Variants in RABGAP1L observed in about 807,000 individuals in gnomAD.
RABGAP1L encodes the protein rab GTPase-activating protein 1-like.
In RABGAP1L, 63 loss-of-function variants were observed where a neutral mutation model predicts 137.7. The observed-to-expected ratio is 0.46, with a 90% CI of 0.37 to 0.56. The LOEUF is 0.56. RABGAP1L is among the 20% of genes least tolerant of loss of function. RABGAP1L has a pLI of 0.00. For synonymous variants in RABGAP1L, 431 were observed against 433.7 expected (o/e 0.99, Z 0.08); for missense variants, 1,095 against 1,244.0 (o/e 0.88, Z 1.80).
At chr1:174,609,588 T>C (rs1361818276) in intron 13 of RABGAP1L, among the ~76,000 whole-genome samples, 2 of 152,246 alleles carry the variant, frequency 1.3e-5, no homozygotes, top group African/African-American at 4.8e-5. Flanking sequence ...AATCCAGAGG[T>C]ACACTGAATG....
At position 174,250,563 on chromosome 1, in the gene RABGAP1L, C is replaced by G. The variant is rs748961187; in HGVS notation, c.806C>G (p.Pro269Arg). The G allele has an allele frequency of 1.1e-5, 17 of 1,613,920 alleles. No individual in the cohort carries two copies. The highest frequency in any genetic ancestry group is 1.4e-5 in the Non-Finnish European group (17 of 1,179,882). ...GTTAAAGACTCAGTTATTCCTACCCCCGACAGTGATGTGTTTACCTTCAGT... is the reference window on the plus strand; with the variant it reads ...GTTAAAGACTCAGTTATTCCTACCCGCGACAGTGATGTGTTTACCTTCAGT... Reference protein sequence around the residue: ...SDVKDSVIPTPDSDVFTFSVS... With the variant: ...SDVKDSVIPTRDSDVFTFSVS... Residue 269 changes from proline (P) to arginine (R), a missense_variant, in exon 6 of 26, where the codon CCC becomes CGC. This residue lies in a region of RABGAP1L where 356 missense variants were observed against 326.3 expected (regional missense o/e 1.09). Transcript: ENST00000681986.
At chr1:174,927,117 T>C (rs1222463839) in intron 19 of RABGAP1L, among the ~76,000 whole-genome samples, 1 of 152,046 alleles carries the variant, frequency 6.6e-6, no homozygotes, top group East Asian at 1.9e-4. Flanking sequence ...AGCATCCTTA[T>C]GTTGTTCCTG....
intron 13 of RABGAP1L, among the ~76,000 whole-genome samples, chr1:174,503,198 A>G (rs1227552933): frequency 3.3e-5 from 5 of 152,076 alleles, no homozygotes; most frequent in Non-Finnish European, 5.9e-5. Flanking sequence ...GAACACAGCT[A>G]CTCCTGTTTA....
rs1303586568 is a variant in RABGAP1L at position 174,761,045 on chromosome 1, G to GA, written c.2211+8692dup. Reference sequence around the variant, plus strand: ...AGTTCATTTTCACACTGCTGATAAAGACATACACAAGACTGGGCAATTTAT... The same window carrying GA: ...AGTTCATTTTCACACTGCTGATAAAGAACATACACAAGACTGGGCAATTTAT... On this transcript the variant is annotated intron_variant, in intron 18 of 25. Coordinates refer to ENST00000681986, the MANE Select transcript of RABGAP1L (RefSeq NM_001366446.1). This position sits in a 1 kb window ranked among gnomAD's most constrained non-coding sequence, Gnocchi z 4.0. 6.6e-6 allele frequency among the ~76,000 whole-genome samples: 1 copy of GA among 152,096 alleles called. No homozygotes were observed. Among genetic ancestry groups the GA allele is most frequent in the East Asian group, 1.9e-4 (1 of 5,192 alleles).
chr1:174,801,371 G>T (rs944715263), intron 18 of RABGAP1L, among the ~76,000 whole-genome samples: 10 of 152,138 alleles, frequency 6.6e-5, no homozygotes, highest in African/African-American at 9.7e-5. Context: ...GTATTTACAT[G>T]ACTGAATTTA....
intron 13 of RABGAP1L, among the ~76,000 whole-genome samples, chr1:174,511,768 A>G (rs1361650327): frequency 6.6e-6 from 1 of 151,918 alleles, no homozygotes; most frequent in Admixed American, 6.6e-5. Flanking sequence ...GATTACAGGC[A>G]TGCACCACCA....
chr1:174,732,433 A>G (rs865986978), intron 17 of RABGAP1L, among the ~76,000 whole-genome samples: 6 of 152,208 alleles, frequency 3.9e-5, no homozygotes, highest in African/African-American at 1.4e-4. Flanking sequence ...ATTTGGACCT[A>G]TGCTACAGAA....
chr1:174,197,698 G>A (rs1667802445), intron 1 of RABGAP1L, among the ~76,000 whole-genome samples: 1 of 152,038 alleles, frequency 6.6e-6, no homozygotes, highest in Admixed American at 6.6e-5. Flanking sequence ...CACTCGGGTG[G>A]CTGAGGCAGG....
rs573216172 is a variant in RABGAP1L at position 174,814,200 on chromosome 1, G to A, written c.2340+2240G>A. On this transcript the variant is annotated intron_variant, in intron 19 of 25. Coordinates refer to ENST00000681986, the MANE Select transcript of RABGAP1L (RefSeq NM_001366446.1). ...ATCCAAATGGACTGCTCCTGGAAGG[G>A]AAGTGCTGGGTACAACCAGAATAAA... Among the ~76,000 whole-genome samples, 6 of 152,264 alleles carry A rather than the reference G, an allele frequency of 3.9e-5. 1 individual carries two copies. In the South Asian group the frequency reaches 1.2e-3, roughly 32 times the overall value.
intron 13 of RABGAP1L, chr1:174,547,982 G>C: frequency 6.4e-7 from 1 of 1,550,430 alleles, no homozygotes; most frequent in South Asian, 1.2e-5. Flanking sequence ...TTTTGTTTTA[G>C]TTCCTTTCCT....
intron 12 of RABGAP1L, among the ~76,000 whole-genome samples, chr1:174,374,780 C>G (rs1024275132): frequency 6.6e-6 from 1 of 152,090 alleles, no homozygotes; most frequent in African/African-American, 2.4e-5. Context: ...TTTTATAAAC[C>G]TGCTCATGTA....
chr1:174,940,019 G>A (rs181604820), intron 19 of RABGAP1L, among the ~76,000 whole-genome samples: 3 of 152,274 alleles, frequency 2.0e-5, no homozygotes, highest in East Asian at 3.9e-4. Context: ...CTGTAAGTAA[G>A]GCAGAATTTT....
At chr1:174,802,632 T>C (rs1688858318) in intron 18 of RABGAP1L, among the ~76,000 whole-genome samples, 1 of 152,192 alleles carries the variant, frequency 6.6e-6, no homozygotes, top group African/African-American at 2.4e-5. Flanking sequence ...AAGCATACGC[T>C]GATTTATCTT....
rs569501900 is a variant in RABGAP1L at position 174,399,322 on chromosome 1, G to A, written c.1710+5177G>A. On this transcript the variant is annotated intron_variant, in intron 13 of 25. Coordinates refer to ENST00000681986, the MANE Select transcript of RABGAP1L (RefSeq NM_001366446.1). The stretch of plus-strand genomic sequence containing the variant: ...ATACATCTGAGCTTATAGTCACTAA[G>A]TGGAAAGGGCATGAACACTCAAGAG... Among the ~76,000 whole-genome samples, 5 of 152,252 alleles carry A rather than the reference G, an allele frequency of 3.3e-5. No homozygotes were observed. The South Asian group carries it at 1.0e-3, about 32-fold the overall frequency.
chr1:174,255,941 T>C (rs1340129768), intron 7 of RABGAP1L, among the ~76,000 whole-genome samples: 1 of 152,232 alleles, frequency 6.6e-6, no homozygotes, highest in Non-Finnish European at 1.5e-5. Context: ...CTTTAGTGTA[T>C]GTTTTCCAAG....
intron 20 of RABGAP1L, among the ~76,000 whole-genome samples, chr1:174,965,224 C>CT (rs1488392140): frequency 8.3e-6 from 1 of 121,196 alleles, no homozygotes; most frequent in African/African-American, 2.9e-5. Flanking sequence ...GTTATGTAAG[C>CT]AGTGTCTCCT....
intron 13 of RABGAP1L, among the ~76,000 whole-genome samples, chr1:174,563,738 T>C (rs1245807601): frequency 6.6e-6 from 1 of 152,136 alleles, no homozygotes; most frequent in African/African-American, 2.4e-5. Context: ...TTTGTTTCTT[T>C]CCCTAATGCT....
At chr1:174,908,188 CT>C (rs1188890103) in intron 19 of RABGAP1L, among the ~76,000 whole-genome samples, 1 of 152,150 alleles carries the variant, frequency 6.6e-6, no homozygotes, top group Non-Finnish European at 1.5e-5. Context: ...GAGAGGTAAA[CT>C]GCAATACAGT....
intron 13 of RABGAP1L, among the ~76,000 whole-genome samples, chr1:174,521,352 C>G (rs1388684359): frequency 6.6e-6 from 1 of 152,120 alleles, no homozygotes; most frequent in Non-Finnish European, 1.5e-5. Context: ...TGGAAATTTT[C>G]ATTTTTTCAA....
Sources: gnomAD v4.1 joint callset for allele counts (sites outside exome capture counted in the v4.1 genomes callset) on GRCh38, gnomAD v4.1.1 for gene constraint, gnomAD v4.1.1 regional missense constraint, Gnocchi (gnomAD v3.1) non-coding constraint, MANE v1.5 for transcripts, NCBI Gene and HGNC (gene_info 2026-07-23, HGNC 2026-07-21) for gene names.